Variants in INTS1 observed in about 807,000 individuals in gnomAD.
INTS1 encodes integrator complex subunit 1.
INTS1 carries 137 observed loss-of-function variants against 241.6 expected under a neutral mutation model. The ratio of observed to expected loss-of-function variants is 0.57; its 90% CI spans 0.49 to 0.65. The LOEUF (loss-of-function observed/expected upper bound fraction) is 0.65. Among genes scored for constraint, INTS1 ranks in the 30% least tolerant of loss-of-function variants. The pLI, the probability that INTS1 is intolerant of heterozygous loss-of-function variation, is 0.00. For synonymous variants in INTS1, 1,692 were observed against 1,337.8 expected (o/e 1.26, Z -5.78); for missense variants, 3,073 against 3,032.2 (o/e 1.01, Z -0.32).
Position 1,471,075 on chromosome 7 carries a change from G to A in INTS1, c.6347+58C>T, listed in dbSNP as rs1781443264. On this transcript the variant is annotated intron_variant, in intron 46 of 47. Coordinates refer to ENST00000404767, the MANE Select transcript of INTS1 (RefSeq NM_001080453.3). ...CTGGCCACCAGGCGGGTCAAGCGGT[G>A]ACCTGGGTTAGCAGGGCCCAGCGGT... is the stretch of plus-strand genomic sequence containing the variant. The A allele has an allele frequency of 2.0e-6, 3 of 1,529,684 alleles. No homozygotes were observed. In the Admixed American group the frequency reaches 5.9e-5, roughly 30 times the overall value. 94.8% of individuals were successfully genotyped at this position (1,529,684 alleles called of 1,614,324 possible).
chr7:1,489,413 C>A lies in INTS1; in HGVS notation c.2258-9G>T. 4.9e-6 allele frequency: 5 copies of A among 1,019,206 alleles called. No individual in the cohort carries two copies. The highest frequency in any genetic ancestry group is 5.9e-6 in the Non-Finnish European group (5 of 852,434). 63.1% of individuals were successfully genotyped at this position (1,019,206 alleles called of 1,614,324 possible). A position where few individuals can be genotyped will look rare whatever the true frequency, so the allele number is the denominator to read the frequency against. ...CTCCCACGCAGCCAGGCCTAGGGAA[C>A]CGGAGGGTGTGGGGCTGGCCAGGCT... On this transcript the variant is annotated splice_polypyrimidine_tract_variant and intron_variant, in intron 17 of 47. Transcript: ENST00000404767.
chr7:1,471,589 C>G lies in INTS1; in HGVS notation c.6237G>C (p.Glu2079Asp). 1 of 1,612,438 alleles carries G rather than the reference C, an allele frequency of 6.2e-7. No homozygotes were observed. Among genetic ancestry groups the G allele is most frequent in the Middle Eastern group, 1.7e-4 (1 of 6,060 alleles). Reference protein sequence around the residue: ...DIDEMSRRRPEILSFFSTNLQ... With the variant: ...DIDEMSRRRPDILSFFSTNLQ... ...AGCTCACCGAGAAGAAGCTCAGGAT[C>G]TCGGGTCTCCGCCGGGACATCTCGT... is the stretch of plus-strand genomic sequence containing the variant. Residue 2079 changes from glutamate to aspartate, a missense_variant, in exon 45 of 48, where the codon GAG (glutamate) becomes GAC (aspartate). Glu to Asp is a conservative substitution (Grantham distance 45). Coordinates refer to ENST00000404767, the MANE Select transcript of INTS1 (RefSeq NM_001080453.3).
At position 1,475,799 on chromosome 7, in the gene INTS1, A is replaced by G. The variant is rs1781687592; in HGVS notation, c.5502+149T>C. 8 of 1,019,330 alleles carry G rather than the reference A, an allele frequency of 7.8e-6. No homozygotes were observed. In the Admixed American group the frequency reaches 1.6e-4, roughly 21 times the overall value. The allele number at this position is 1,019,330 out of a possible 1,614,324, so 63.1% of individuals were successfully genotyped here. ...CCTCGGTATAAAACTCAACGCAGAC[A>G]AACCCACAGGGCCACAGGGCGGCGC... On this transcript the variant is annotated intron_variant, in intron 39 of 47. Coordinates refer to ENST00000404767, the MANE Select transcript of INTS1 (RefSeq NM_001080453.3).
chr7:1,475,975 T>A lies in INTS1; in HGVS notation c.5475A>T (p.Glu1825Asp). ...TGCAGACGCTGCTGCTGGCAGCCCC[T>A]TCGCTGTGCAGTAGGACCTCAGGCA... ...VPVPEVLLHS[E>D]GAASSSVCKL... Residue 1825 changes from glutamate (E) to aspartate (D), a missense_variant, in exon 39 of 48, where the codon GAA becomes GAT. Coordinates refer to ENST00000404767, the MANE Select transcript of INTS1 (RefSeq NM_001080453.3). The A allele has an allele frequency of 4.5e-6, 7 of 1,543,876 alleles. No individual in the cohort carries two copies. The highest frequency in any genetic ancestry group is 6.1e-6 in the Non-Finnish European group (7 of 1,146,288).
rs1782460128 is a variant in INTS1 at position 1,489,790 on chromosome 7, T to A, written c.2166-108A>T. ...GGCAGGGACGGTGCTGGCTCCCAGCTCCTCCCGGGACTGCCCTCCAGTGAC... is the reference window on the plus strand; with the variant it reads ...GGCAGGGACGGTGCTGGCTCCCAGCACCTCCCGGGACTGCCCTCCAGTGAC... On this transcript the variant is annotated intron_variant, in intron 16 of 47. Transcript: ENST00000404767. 1.0e-5 allele frequency: 8 copies of A among 763,894 alleles called. No individual in the cohort carries two copies. In the South Asian group the frequency reaches 1.5e-4, roughly 14 times the overall value. 47.3% of individuals were successfully genotyped at this position (763,894 alleles called of 1,614,324 possible).
chr7:1,498,943 G>GGGCCCCCCCCCCCCCCCCCC, intron 8 of INTS1, 32 bp downstream of exon 8: 4 of 1,070,734 alleles, frequency 3.7e-6, no homozygotes, highest in African/African-American at 2.0e-5. Flanking sequence ...CCCACCCCCT[G>GGGCCCCCCCCCCCCCCCCCC]CCCCGCCCAC....
chr7:1,492,580 T>C (rs1476245688), intron 16 of INTS1, among the ~76,000 whole-genome samples: 7 of 152,130 alleles, frequency 4.6e-5, no homozygotes, highest in Non-Finnish European at 8.8e-5. Flanking sequence ...AACACGTACA[T>C]GAATTCTCTC....
At position 1,474,739 on chromosome 7, in the gene INTS1, T is replaced by G; in HGVS notation, c.5602A>C (p.Lys1868Gln). Residue 1868 changes from lysine (K) to glutamine (Q), a missense_variant, in exon 40 of 48, where the codon AAG (lysine) becomes CAG (glutamine). Lys to Gln is a moderately conservative substitution (Grantham distance 53, BLOSUM62 1). Coordinates refer to ENST00000404767, the MANE Select transcript of INTS1 (RefSeq NM_001080453.3). ...AGCAGCGGGTGCGCCACCGCCAGCT[T>G]CCGGCAGGCCATGCTGGCATCCGCC... is the stretch of plus-strand genomic sequence containing the variant. ...RGADASMACR[K>Q]LAVAHPLLLL... is the part of the protein sequence containing the mutation. 1.9e-6 allele frequency: 3 copies of G among 1,563,700 alleles called. No individual in the cohort carries two copies. Among genetic ancestry groups the G allele is most frequent in the Non-Finnish European group, 2.6e-6 (3 of 1,156,142 alleles).
intron 33 of INTS1, 141 bp downstream of exon 33, chr7:1,478,225 T>C (rs1781820813): frequency 1.0e-6 from 1 of 965,104 alleles, no homozygotes; most frequent in Non-Finnish European, 1.5e-6. Context: ...CTGAGCCATC[T>C]GGGAGGGGAC....
rs573453622 is a variant in INTS1, at chr7:1,477,760, C to T, written c.4807G>A (p.Gly1603Ser). The T allele has an allele frequency of 2.9e-5, 46 of 1,612,160 alleles. No individual in the cohort carries two copies. The highest frequency in any genetic ancestry group is 6.7e-5 in the African/African-American group (5 of 75,068). ...PLAGGKPGAD[G>S]GSLEAVRLGP... is the part of the protein sequence containing the mutation. ...TGCAGCACCCCAGCTCACCTGCCACCGTCCGCACCCGGCTTCCCCCCAGCC... is the reference window on the plus strand; with the variant it reads ...TGCAGCACCCCAGCTCACCTGCCACTGTCCGCACCCGGCTTCCCCCCAGCC... The change falls in exon 34 of 48, where the codon GGT (glycine) becomes AGT (serine). Residue 1603 changes from glycine to serine, a missense_variant. Coordinates refer to ENST00000404767, the MANE Select transcript of INTS1 (RefSeq NM_001080453.3).
In INTS1 at chr7:1,484,160, C is replaced by T. The variant is rs754610575; in HGVS notation, c.3272G>A (p.Arg1091Gln). ...QHSDLALDVA[R>Q]LVVERSTIMS... ...GATGGTGGAGCGCTCCACGACCAGCCGGGCCACGTCCTGGTGTGTGGACAG... is the reference window on the plus strand; with the variant it reads ...GATGGTGGAGCGCTCCACGACCAGCTGGGCCACGTCCTGGTGTGTGGACAG... Residue 1091 changes from arginine (R) to glutamine (Q), a missense_variant, in exon 25 of 48, where the codon CGG (arginine) becomes CAG (glutamine). Coordinates refer to ENST00000404767, the MANE Select transcript of INTS1 (RefSeq NM_001080453.3). 2.0e-5 allele frequency: 32 copies of T among 1,609,980 alleles called. No homozygotes were observed. Among genetic ancestry groups the T allele is most frequent in the Admixed American group, 3.3e-5 (2 of 59,932 alleles).
Position 1,474,815 on chromosome 7 carries a change from G to T in INTS1, c.5526C>A (p.Phe1842Leu). ...VCKLDGLIHR[F>L]ITLLADTSDS... Reference sequence around the variant, plus strand: ...CGCTGGTGTCCGCAAGGAGCGTGATGAAGCGGTGGATGAGTCCGTCCAGCT... The same window carrying T: ...CGCTGGTGTCCGCAAGGAGCGTGATTAAGCGGTGGATGAGTCCGTCCAGCT... Residue 1842 changes from phenylalanine to leucine, a missense_variant, in exon 40 of 48, where the codon TTC (phenylalanine) becomes TTA (leucine). By Grantham distance (22) the Phe-to-Leu change is conservative (BLOSUM62 0). Coordinates refer to ENST00000404767, the MANE Select transcript of INTS1 (RefSeq NM_001080453.3). 6.3e-7 allele frequency: 1 copy of T among 1,590,730 alleles called. No individual in the cohort carries two copies. Among genetic ancestry groups the T allele is most frequent in the African/African-American group, 1.3e-5 (1 of 74,602 alleles).
At chr7:1,498,386 G>A in intron 10 of INTS1, 26 bp downstream of exon 10, 2 of 1,612,410 alleles carry the variant, frequency 1.2e-6, no homozygotes, top group East Asian at 2.2e-5. Context: ...CGGCGTGGAG[G>A]GCAAGGCCAG....
chr7:1,498,350 C>T (rs1165375828), intron 10 of INTS1, 62 bp downstream of exon 10: 2 of 1,594,504 alleles, frequency 1.3e-6, no homozygotes, highest in East Asian at 2.3e-5. Flanking sequence ...ACGCCACGTG[C>T]CCCTCCAGCC....
At chr7:1,486,398 G>C (rs980356009) in intron 22 of INTS1, among the ~76,000 whole-genome samples, 9 of 151,714 alleles carry the variant, frequency 5.9e-5, no homozygotes, top group Non-Finnish European at 1.0e-4. Context: ...AGAGTACCTG[G>C]GATTACAGGC....
chr7:1,473,986 A>G (rs1370814926), intron 41 of INTS1, among the ~76,000 whole-genome samples, 182 bp downstream of exon 41: 1 of 152,198 alleles, frequency 6.6e-6, no homozygotes, highest in African/African-American at 2.4e-5. Context: ...TGGGCCCCCC[A>G]GGCACGTGAG....
chr7:1,483,435 C>G (rs1460305292), intron 26 of INTS1: 1 of 463,930 alleles, frequency 2.2e-6, no homozygotes, highest in Non-Finnish European at 4.0e-6. Flanking sequence ...CCAGGCACCG[C>G]AGGCCTACAC....
chr7:1,483,684 T>C (rs1782105775), intron 26 of INTS1, 58 bp downstream of exon 26: 2 of 1,364,364 alleles, frequency 1.5e-6, no homozygotes, highest in African/African-American at 1.4e-5. Flanking sequence ...CTGGGTGTGG[T>C]CAGGGCTGTG....
At position 1,500,285 on chromosome 7, in the gene INTS1, C is replaced by A; in HGVS notation, c.431G>T (p.Gly144Val). The change falls in exon 4 of 48, where the codon GGG (glycine) becomes GTG (valine). Residue 144 changes from glycine (G) to valine (V), a missense_variant. Coordinates refer to ENST00000404767, the MANE Select transcript of INTS1 (RefSeq NM_001080453.3). ...GGTGACCTTCAGCTGCTTCACGGCC[C>A]CGCACAGCACGCCCTCGATCCTGTC... ...NDDRIEGVLC[G>V]AVKQLKVTRA... The A allele has an allele frequency of 6.3e-7, 1 of 1,596,398 alleles. No homozygotes were observed. Among genetic ancestry groups the A allele is most frequent in the African/African-American group, 1.3e-5 (1 of 74,726 alleles).
Sources: gnomAD v4.1 joint callset for allele counts (sites outside exome capture counted in the v4.1 genomes callset) on GRCh38, gnomAD v4.1.1 for gene constraint, MANE v1.5 for transcripts, NCBI Gene and HGNC (gene_info 2026-07-23, HGNC 2026-07-21) for gene names.